Variants in NTAQ1 observed in about 807,000 individuals in gnomAD.
NTAQ1 encodes the protein N-terminal glutamine amidase 1.
Under a neutral mutation model 28.2 loss-of-function variants are expected in NTAQ1, and 21 were observed. The ratio of observed to expected loss-of-function variants is 0.74; its 90% confidence interval spans 0.53 to 1.07. The LOEUF (loss-of-function observed/expected upper bound fraction) is 1.07. Among genes scored for constraint, NTAQ1 ranks in the 50% least tolerant of loss-of-function variants. NTAQ1 has a pLI of 0.00. For missense variants in NTAQ1, 264 were observed against 256.6 expected, an observed-to-expected ratio of 1.03 and a Z score of -0.20; for synonymous variants, 105 against 90.0, an observed-to-expected ratio of 1.17 and a Z score of -0.94.
downstream of NTAQ1, among the ~76,000 whole-genome samples, chr8:123,470,382 A>G (rs1341262136): frequency 6.6e-6 from 1 of 152,182 alleles, no homozygotes; most frequent in Non-Finnish European, 1.5e-5. Flanking sequence ...CTAAGGGCAA[A>G]TCACTGATGA....
At position 123,424,463 on chromosome 8, in the gene NTAQ1, T is replaced by C. The variant is rs192863829; in HGVS notation, c.84-3461T>C. Among the ~76,000 whole-genome samples the C allele has an allele frequency of 8.3e-3, 1,268 of 152,244 alleles. 15 individuals carry two copies. Among genetic ancestry groups the C allele is most frequent in the Non-Finnish European group, 0.011 (715 of 68,006 alleles). On this transcript the variant is annotated intron_variant, in intron 1 of 5. Coordinates refer to ENST00000287387, the MANE Select transcript of NTAQ1 (RefSeq NM_018024.3). Reference sequence around the variant, plus strand: ...TTCACTATGTTGGCCAGGCTGGTCTTGAACGCCTGACCTCATGATCCACCC... The same window carrying C: ...TTCACTATGTTGGCCAGGCTGGTCTCGAACGCCTGACCTCATGATCCACCC...
chr8:123,435,967 A>G (rs1814683526), intron 3 of NTAQ1, among the ~76,000 whole-genome samples: 1 of 151,998 alleles, frequency 6.6e-6, no homozygotes, highest in Admixed American at 6.6e-5. Flanking sequence ...CAGGGGTTCA[A>G]GACCAGCCTT....
Position 123,427,896 on chromosome 8 carries a change from T to A in NTAQ1, c.84-28T>A, listed in dbSNP as rs766878373. ...AAAAGACACATAGAATGTTCTCTAA[T>A]CTTGATTAAACAATTATTTTATTTC... On this transcript the variant is annotated intron_variant, in intron 1 of 5. Transcript: ENST00000287387. The A allele has an allele frequency of 2.0e-6, 3 of 1,531,662 alleles. No individual in the cohort carries two copies. In the East Asian group the frequency reaches 6.8e-5, roughly 35 times the overall value. The allele number at this position is 1,531,662 out of a possible 1,614,324, so 94.9% of individuals were successfully genotyped here.
At chr8:123,474,631 G>A (rs866403102), downstream of NTAQ1, among the ~76,000 whole-genome samples, 5 of 152,158 alleles carry the variant, frequency 3.3e-5, no homozygotes, top group African/African-American at 1.2e-4. Flanking sequence ...ATTGCCAGGC[G>A]TGGTGGCGTA....
downstream of NTAQ1, among the ~76,000 whole-genome samples, chr8:123,451,992 T>C (rs1488898482): frequency 1.3e-5 from 2 of 152,216 alleles, no homozygotes; most frequent in Non-Finnish European, 2.9e-5. Flanking sequence ...CCTTTTGGTG[T>C]GAAAAGCACG....
intron 6 of NTAQ1, among the ~76,000 whole-genome samples, chr8:123,447,382 A>G (rs1374691408): frequency 6.6e-6 from 1 of 152,154 alleles, no homozygotes; most frequent in East Asian, 1.9e-4. Flanking sequence ...GATAAATCTA[A>G]TGTCCTTTTT....
chr8:123,421,752 G>A (rs1272211693), intron 1 of NTAQ1, among the ~76,000 whole-genome samples: 3 of 150,612 alleles, frequency 2.0e-5, no homozygotes, highest in South Asian at 2.1e-4. Flanking sequence ...GCAGTGGCGT[G>A]ATCTTGGCTC....
intron 1 of NTAQ1, among the ~76,000 whole-genome samples, chr8:123,418,762 T>C (rs914599229): frequency 6.6e-6 from 1 of 152,170 alleles, no homozygotes; most frequent in Non-Finnish European, 1.5e-5. Flanking sequence ...AGCAGTCTTG[T>C]AGAAGAATGG....
chr8:123,463,476 A>G (rs1490352105), intron 6 of NTAQ1, among the ~76,000 whole-genome samples: 1 of 152,178 alleles, frequency 6.6e-6, no homozygotes, highest in African/African-American at 2.4e-5. Context: ...ATGCTTTATT[A>G]AGTTTCTCTT....
At chr8:123,443,344 G>A (rs551928140), downstream of NTAQ1, among the ~76,000 whole-genome samples, 3 of 152,322 alleles carry the variant, frequency 2.0e-5, no homozygotes, top group South Asian at 6.2e-4. Context: ...TTAAAAGTAG[G>A]TATAAATGTG....
At chr8:123,419,936 T>C (rs2130129984) in intron 1 of NTAQ1, among the ~76,000 whole-genome samples, 1 of 152,072 alleles carries the variant, frequency 6.6e-6, no homozygotes, top group Admixed American at 6.6e-5. Context: ...TTATTTTAGA[T>C]TTGGGGTTAC....
At position 123,423,629 on chromosome 8, in the gene NTAQ1, C is replaced by A. The variant is rs139798089; in HGVS notation, c.84-4295C>A. 4.0e-3 allele frequency among the ~76,000 whole-genome samples: 603 copies of A among 152,074 alleles called. 5 individuals carry two copies. The highest frequency in any genetic ancestry group is 0.014 in the African/African-American group (580 of 41,496). The stretch of plus-strand genomic sequence containing the variant: ...GTATTTCCGAGTATAAGATCATCTC[C>A]CCCTTTTTTTTAACATTGAAACTTT... On this transcript the variant is annotated intron_variant, in intron 1 of 5. Transcript: ENST00000287387.
intron 6 of NTAQ1, among the ~76,000 whole-genome samples, chr8:123,463,145 A>G (rs1203391041): frequency 6.6e-6 from 1 of 152,216 alleles, no homozygotes; most frequent in Non-Finnish European, 1.5e-5. Context: ...ACAGTTTGAA[A>G]GCAAGTTGCA....
chr8:123,423,763 A>C (rs879681503), intron 1 of NTAQ1, among the ~76,000 whole-genome samples: 11 of 152,176 alleles, frequency 7.2e-5, no homozygotes, highest in Non-Finnish European at 1.5e-4. Context: ...TTTCTGTGTA[A>C]CATTTACATA....
chr8:123,423,214 CCCTT>C (rs1285649192), intron 1 of NTAQ1, among the ~76,000 whole-genome samples: 3 of 144,114 alleles, frequency 2.1e-5, no homozygotes, highest in East Asian at 4.3e-4. Flanking sequence ...TTCCCTCCCT[CCCTT>C]CCTTCCTTCC....
chr8:123,425,715 A>T (rs1814011239), intron 1 of NTAQ1, among the ~76,000 whole-genome samples: 1 of 152,050 alleles, frequency 6.6e-6, no homozygotes, highest in Admixed American at 6.6e-5. Context: ...GGCGTGGATG[A>T]AATTAGGCTT....
At chr8:123,438,590 T>C (rs1001316761) in intron 5 of NTAQ1, among the ~76,000 whole-genome samples, 1 of 151,468 alleles carries the variant, frequency 6.6e-6, no homozygotes, top group Non-Finnish European at 1.5e-5. Flanking sequence ...GGGTAATTGC[T>C]TGAACCGGGA....
chr8:123,434,149 C>A (rs1361526038), intron 3 of NTAQ1, among the ~76,000 whole-genome samples: 2 of 151,984 alleles, frequency 1.3e-5, no homozygotes, highest in African/African-American at 2.4e-5. Flanking sequence ...GCATTGCTCT[C>A]CTGCCTGCAT....
chr8:123,451,235 A>G (rs1174605976), downstream of NTAQ1, among the ~76,000 whole-genome samples: 1 of 152,170 alleles, frequency 6.6e-6, no homozygotes. Flanking sequence ...CTGGTGACGT[A>G]TCTAGAGCTG....
Sources: gnomAD v4.1 joint callset for allele counts (sites outside exome capture counted in the v4.1 genomes callset) on GRCh38, gnomAD v4.1.1 for gene constraint, MANE v1.5 for transcripts, NCBI Gene and HGNC (gene_info 2026-07-23, HGNC 2026-07-21) for gene names.